Variants in ACSM1 observed in about 807,000 individuals in gnomAD.
ACSM1 encodes acyl-coenzyme A synthetase ACSM1, mitochondrial.
Under a neutral mutation model 75.8 loss-of-function variants are expected in ACSM1, and 79 were observed. The observed-to-expected ratio is 1.04, with a 90% CI of 0.87 to 1.26. The LOEUF (loss-of-function observed/expected upper bound fraction) is 1.26, where lower values mean the gene tolerates loss of function less well. Among genes scored for constraint, ACSM1 ranks in the 50% most tolerant of loss-of-function variants. ACSM1 has a pLI of 0.00. For missense variants in ACSM1, 676 were observed against 720.1 expected (o/e 0.94, Z 0.70); for synonymous variants, 279 against 265.8 (o/e 1.05, Z -0.48).
chr16:20,632,496 T>C (rs1005048940), intron 10 of ACSM1, among the ~76,000 whole-genome samples: 1 of 152,072 alleles, frequency 6.6e-6, no homozygotes, highest in African/African-American at 2.4e-5. Context: ...CACAAAGAAA[T>C]AGAACTCTGA....
At chr16:20,652,256 G>A (rs1055882204) in intron 7 of ACSM1, among the ~76,000 whole-genome samples, 3 of 151,948 alleles carry the variant, frequency 2.0e-5, no homozygotes, top group Non-Finnish European at 4.4e-5. Context: ...AGGATTTAAG[G>A]TTATTATTTG....
intron 7 of ACSM1, 127 bp downstream of exon 7, chr16:20,661,667 C>T (rs544861138): frequency 2.0e-4 from 119 of 581,652 alleles, no homozygotes; most frequent in Non-Finnish European, 2.3e-4. Context: ...TGATCATCAT[C>T]GCCACCAACA....
chr16:20,634,263 C>T (rs1341544485), intron 10 of ACSM1, among the ~76,000 whole-genome samples: 1 of 152,162 alleles, frequency 6.6e-6, no homozygotes, highest in East Asian at 1.9e-4. Flanking sequence ...ATGGTGCAGC[C>T]ATTGTGAAAG....
At chr16:20,636,698 G>T in intron 10 of ACSM1, 41 bp downstream of exon 10, 2 of 1,470,088 alleles carry the variant, frequency 1.4e-6, no homozygotes, top group Non-Finnish European at 1.9e-6. Flanking sequence ...TCCCTGTTGG[G>T]ATCCTTGGGG....
intron 5 of ACSM1, 68 bp downstream of exon 5, chr16:20,671,462 CA>C (rs2019891327): frequency 5.1e-5 from 76 of 1,493,644 alleles, no homozygotes; most frequent in Non-Finnish European, 6.9e-5. Context: ...CACACACACA[CA>C]CACACACACA....
intron 4 of ACSM1, 191 bp downstream of exon 4, chr16:20,682,065 C>T (rs1353237962): frequency 2.3e-5 from 13 of 563,330 alleles, no homozygotes; most frequent in Non-Finnish European, 9.5e-6. Flanking sequence ...GATCTCCCCT[C>T]TCACCCCATG....
intron 6 of ACSM1, among the ~76,000 whole-genome samples, chr16:20,662,570 A>G (rs898683484): frequency 4.6e-5 from 7 of 152,152 alleles, no homozygotes; most frequent in African/African-American, 1.7e-4. Context: ...GAGAAGAGAA[A>G]GTGGGTTTGG....
At chr16:20,657,714 A>G (rs1596865311) in intron 7 of ACSM1, among the ~76,000 whole-genome samples, 2 of 151,748 alleles carry the variant, frequency 1.3e-5, no homozygotes, top group East Asian at 3.9e-4. Context: ...CCATTAACTC[A>G]TCATTTAGCA....
intron 10 of ACSM1, among the ~76,000 whole-genome samples, chr16:20,628,397 A>G (rs1249410792): frequency 6.6e-6 from 1 of 152,094 alleles, no homozygotes; most frequent in East Asian, 1.9e-4. Flanking sequence ...GTGCTCTTTT[A>G]TAACCACACC....
At chr16:20,696,804 GC>G (rs1451161762) in intron 1 of ACSM1, among the ~76,000 whole-genome samples, 2 of 152,178 alleles carry the variant, frequency 1.3e-5, no homozygotes, top group East Asian at 1.9e-4. Context: ...GACTGATAAA[GC>G]TATTTAATGA....
intron 10 of ACSM1, among the ~76,000 whole-genome samples, chr16:20,630,947 G>A (rs1023434831): frequency 2.6e-5 from 4 of 152,134 alleles, no homozygotes; most frequent in Admixed American, 1.3e-4. Context: ...AAGAAGTCAC[G>A]AGGAAATTTA....
chr16:20,682,962 T>G (rs192544955), intron 3 of ACSM1, among the ~76,000 whole-genome samples: 5 of 152,250 alleles, frequency 3.3e-5, no homozygotes, highest in Admixed American at 3.3e-4. Flanking sequence ...CCCTTCTATC[T>G]CCATTGCCAA....
Position 20,662,938 on chromosome 16 carries a change from C to A in ACSM1, c.913-1065G>T, listed in dbSNP as rs367806331. 9.3e-4 allele frequency among the ~76,000 whole-genome samples: 141 copies of A among 152,240 alleles called. 6 individuals carry two copies. In the South Asian group the frequency reaches 0.028, roughly 30 times the overall value. ...ACCCCAGGCACAGTGAGTTGGATTG[C>A]TGACTTGGTGACAGACAATTGCCTT... On this transcript the variant is annotated intron_variant, in intron 6 of 13. Transcript: ENST00000520010.
chr16:20,623,925 A>C (rs3743689), intron 13 of ACSM1, among the ~76,000 whole-genome samples, 171 bp downstream of exon 13: 25,416 of 152,220 alleles, frequency 0.17, 2,431 homozygotes, highest in East Asian at 0.5. Flanking sequence ...GGAGATGTGG[A>C]GGGCAGGGCC....
intron 6 of ACSM1, among the ~76,000 whole-genome samples, chr16:20,665,696 A>G (rs1163870037): frequency 6.6e-6 from 1 of 152,170 alleles, no homozygotes; most frequent in Non-Finnish European, 1.5e-5. Context: ...AGAAAACTCC[A>G]GGCCAATATC....
intron 10 of ACSM1, among the ~76,000 whole-genome samples, chr16:20,627,815 T>C (rs2017044921): frequency 7.7e-6 from 1 of 130,700 alleles, no homozygotes; most frequent in African/African-American, 2.9e-5. Context: ...GGCAACAGAG[T>C]GAGACTTCAT....
chr16:20,677,874 A>C (rs192382660), intron 4 of ACSM1, among the ~76,000 whole-genome samples: 31 of 152,302 alleles, frequency 2.0e-4, no homozygotes, highest in Admixed American at 5.9e-4. Context: ...CAAAGAAAAA[A>C]AAGGCTTTTA....
At chr16:20,677,334 G>T (rs142842929) in intron 4 of ACSM1, among the ~76,000 whole-genome samples, 1 of 152,084 alleles carries the variant, frequency 6.6e-6, no homozygotes, top group Admixed American at 6.5e-5. Context: ...GGCCATGAAG[G>T]TTCTAACTCA....
At chr16:20,657,427 G>A (rs900524651) in intron 7 of ACSM1, among the ~76,000 whole-genome samples, 9 of 152,102 alleles carry the variant, frequency 5.9e-5, no homozygotes, top group African/African-American at 1.9e-4. Context: ...TCCTGCCTCA[G>A]CCTCCTGAGT....
Sources: allele counts gnomAD v4.1 joint callset (sites outside exome capture counted in the v4.1 genomes callset), GRCh38; gene constraint gnomAD v4.1.1; transcripts MANE v1.5; gene names NCBI Gene and HGNC (gene_info 2026-07-23, HGNC 2026-07-21).